The following SMCO4 variants were observed in gnomAD, a reference collection of about 807,000 sequenced individuals.
SMCO4 encodes the protein single-pass membrane protein with coiled-coil domains 4.
In SMCO4, 4 loss-of-function variants were observed where a neutral mutation model predicts 3.6. That is an observed-to-expected ratio of 1.11 (90% confidence interval 0.54 to 2.53). SMCO4 has a LOEUF of 2.53. Among genes scored for constraint, SMCO4 ranks in the 30% most tolerant of loss-of-function variants. The pLI is 0.02. For missense variants in SMCO4, 70 were observed against 80.8 expected, an observed-to-expected ratio of 0.87 and a Z score of 0.51; for synonymous variants, 36 against 35.3, an observed-to-expected ratio of 1.02 and a Z score of -0.07.
intron 2 of SMCO4, among the ~76,000 whole-genome samples, chr11:93,496,616 G>A (rs1207781805): frequency 1.3e-5 from 2 of 152,132 alleles, no homozygotes; most frequent in East Asian, 3.9e-4. Flanking sequence ...CGGAGGTCCT[G>A]CCACTGTGCC....
At chr11:93,506,478 G>C (rs1279375211) in intron 1 of SMCO4, among the ~76,000 whole-genome samples, 1 of 145,774 alleles carries the variant, frequency 6.9e-6, no homozygotes, top group Admixed American at 7.0e-5. Context: ...TCGCTCTGTC[G>C]CCCAGGCTGG....
intron 2 of SMCO4, among the ~76,000 whole-genome samples, chr11:93,480,697 G>T (rs1445207410): frequency 1.3e-5 from 2 of 152,118 alleles, no homozygotes; most frequent in African/African-American, 4.8e-5. Flanking sequence ...TTTGTCCCAG[G>T]GTAGTGGGTG....
chr11:93,506,870 G>A (rs774496963), intron 1 of SMCO4, among the ~76,000 whole-genome samples: 1 of 152,206 alleles, frequency 6.6e-6, no homozygotes, highest in Admixed American at 6.5e-5. Context: ...TTCCGCTGCA[G>A]GCCAGAGTGC....
At chr11:93,520,076 TGCA>T (rs1354759990) in intron 1 of SMCO4, among the ~76,000 whole-genome samples, 3 of 152,214 alleles carry the variant, frequency 2.0e-5, no homozygotes, top group African/African-American at 7.2e-5. Context: ...CTCAAACCCT[TGCA>T]GCCCGGATGG....
At chr11:93,548,059 T>A (rs889982538), upstream of SMCO4, among the ~76,000 whole-genome samples, 1 of 152,238 alleles carries the variant, frequency 6.6e-6, no homozygotes, top group Non-Finnish European at 1.5e-5. Flanking sequence ...AGGTCAGGAA[T>A]GTATGTTCAT....
At position 93,479,487 on chromosome 11, in the gene SMCO4, G is replaced by A. The variant is rs1025900266; in HGVS notation, c.-80-218C>T. On this transcript the variant is annotated intron_variant, in intron 2 of 2. Transcript: ENST00000298966. ...CTGTGAGAGGGGCCTCCGCTCCAGC[G>A]CCAGCTGGACAAAGCCCTGGGTACC... 7.2e-5 allele frequency among the ~76,000 whole-genome samples: 11 copies of A among 152,288 alleles called. No homozygotes were observed. In the South Asian group the frequency reaches 1.4e-3, roughly 20 times the overall value.
At chr11:93,508,424 G>A (rs1042915176) in intron 1 of SMCO4, among the ~76,000 whole-genome samples, 3 of 152,178 alleles carry the variant, frequency 2.0e-5, no homozygotes, top group Non-Finnish European at 1.5e-5. Context: ...AAACTGTAGG[G>A]CGTTGAAGGT....
chr11:93,527,995 G>C (rs1949125947), intron 1 of SMCO4, among the ~76,000 whole-genome samples: 1 of 151,966 alleles, frequency 6.6e-6, no homozygotes, highest in African/African-American at 2.4e-5. Flanking sequence ...AATTAAATAA[G>C]ATACTGTAAT....
intron 1 of SMCO4, among the ~76,000 whole-genome samples, chr11:93,523,989 T>C (rs1028934271): frequency 2.6e-5 from 4 of 152,130 alleles, no homozygotes; most frequent in Non-Finnish European, 2.9e-5. Flanking sequence ...CCTTCTTGTT[T>C]TGGGGGAGGA....
chr11:93,525,534 C>G (rs1032505867), intron 1 of SMCO4, among the ~76,000 whole-genome samples: 1 of 152,112 alleles, frequency 6.6e-6, no homozygotes, highest in African/African-American at 2.4e-5. Flanking sequence ...TCCACTCCCC[C>G]CATTCCTAAA....
chr11:93,534,520 G>A (rs1462496965), intron 1 of SMCO4, among the ~76,000 whole-genome samples: 1 of 152,096 alleles, frequency 6.6e-6, no homozygotes, highest in African/African-American at 2.4e-5. Context: ...ACAACCCTGT[G>A]AGGCAGGTAC....
rs980152441 is a variant in SMCO4, at chr11:93,481,478, G to A, written c.-80-2209C>T. ...TGGAGTAGGAAGCTGTATAACTCAG[G>A]GCTTGGCACAGAGCGGGCGGCGAAT... On this transcript the variant is annotated intron_variant, in intron 2 of 2. Transcript: ENST00000298966. The A allele has an allele frequency of 1.0e-5, 10 of 985,266 alleles. No homozygotes were observed. The African/African-American group carries it at 1.7e-4, about 17-fold the overall frequency. The allele number at this position is 985,266 out of a possible 1,614,324, so 61.0% of individuals were successfully genotyped here.
chr11:93,547,130 G>T (rs1949320985), upstream of SMCO4, among the ~76,000 whole-genome samples: 1 of 152,192 alleles, frequency 6.6e-6, no homozygotes, highest in South Asian at 2.1e-4. Flanking sequence ...AACAGCTCAG[G>T]AATCTTATGG....
At chr11:93,496,793 T>C (rs1383015638) in intron 2 of SMCO4, among the ~76,000 whole-genome samples, 1 of 152,158 alleles carries the variant, frequency 6.6e-6, no homozygotes, top group Non-Finnish European at 1.5e-5. Context: ...CAACTAAAAG[T>C]AAAATGTGAA....
chr11:93,483,688 G>T (rs565890284), intron 2 of SMCO4, among the ~76,000 whole-genome samples: 169 of 152,270 alleles, frequency 1.1e-3, no homozygotes, highest in African/African-American at 3.7e-3. Context: ...TGGCTCCAAG[G>T]GGTCTCTGTC....
At chr11:93,521,175 T>C (rs990952778) in intron 1 of SMCO4, among the ~76,000 whole-genome samples, 5 of 152,174 alleles carry the variant, frequency 3.3e-5, no homozygotes, top group South Asian at 2.1e-4. Context: ...ACCTGCTCTG[T>C]TGCAACATTC....
At chr11:93,507,144 C>A (rs1357011004) in intron 1 of SMCO4, among the ~76,000 whole-genome samples, 1 of 152,202 alleles carries the variant, frequency 6.6e-6, no homozygotes, top group African/African-American at 2.4e-5. Context: ...GTGGCTCACG[C>A]ATGTAATCCC....
upstream of SMCO4, among the ~76,000 whole-genome samples, chr11:93,545,346 G>C (rs1949307375): frequency 6.6e-6 from 1 of 152,098 alleles, no homozygotes; most frequent in South Asian, 2.1e-4. Flanking sequence ...CCTGCACTTT[G>C]GGAGGCCGAG....
the SMCO4 span, among the ~76,000 whole-genome samples, chr11:93,552,070 G>A: frequency 3.3e-5 from 5 of 151,248 alleles, no homozygotes; most frequent in East Asian, 1.9e-4. Context: ...GAGCCATAGA[G>A]CCATATTCTG....
Sources: allele counts gnomAD v4.1 joint callset (sites outside exome capture counted in the v4.1 genomes callset), GRCh38; gene constraint gnomAD v4.1.1; transcripts MANE v1.5; gene names NCBI Gene and HGNC (gene_info 2026-07-23, HGNC 2026-07-21).